The following PCED1B variants were observed in gnomAD, a reference collection of about 807,000 sequenced individuals.
The protein encoded by PCED1B is PC-esterase domain containing 1B.
For synonymous variants in PCED1B, 251 were observed against 246.1 expected (o/e 1.02, Z -0.19); for missense variants, 573 against 573.9 (o/e 1.00, Z 0.02).
At chr12:47,111,179 A>G (rs1939178970) in intron 2 of PCED1B, among the ~76,000 whole-genome samples, 2 of 152,170 alleles carry the variant, frequency 1.3e-5, no homozygotes, top group South Asian at 4.1e-4. Context: ...AAGGACATAA[A>G]GATCACAAAG....
At chr12:47,154,683 A>C (rs76103302) in intron 2 of PCED1B, among the ~76,000 whole-genome samples, 1 of 151,982 alleles carries the variant, frequency 6.6e-6, no homozygotes, top group Non-Finnish European at 1.5e-5. Context: ...TGGAGTCCCA[A>C]CTACTCATAA....
intron 2 of PCED1B, among the ~76,000 whole-genome samples, chr12:47,186,234 A>G (rs1942261842): frequency 6.6e-6 from 1 of 151,966 alleles, no homozygotes; most frequent in Non-Finnish European, 1.5e-5. Context: ...AAGAAAAAAA[A>G]AAAGAACTTG....
intron 1 of PCED1B, among the ~76,000 whole-genome samples, chr12:47,084,643 C>T (rs116285862): frequency 5.9e-5 from 9 of 152,286 alleles, no homozygotes; most frequent in African/African-American, 1.9e-4. Flanking sequence ...AAGGGTTGCA[C>T]AGAATCTGTT....
intron 3 of PCED1B, among the ~76,000 whole-genome samples, chr12:47,222,914 G>A (rs1478859608): frequency 6.6e-6 from 1 of 152,186 alleles, no homozygotes; most frequent in Non-Finnish European, 1.5e-5. Context: ...ACTCTTAAGG[G>A]TTTGGGGTGC....
intron 2 of PCED1B, among the ~76,000 whole-genome samples, chr12:47,171,789 T>TTTCTTC (rs143235503): frequency 1.3e-5 from 2 of 151,440 alleles, no homozygotes; most frequent in South Asian, 2.1e-4. Context: ...CAGTCTAACG[T>TTTCTTC]TTCTTCTTCT....
At chr12:47,090,709 GTGTCTGGTTTCTAC>G (rs972010550) in intron 1 of PCED1B, among the ~76,000 whole-genome samples, 2 of 151,950 alleles carry the variant, frequency 1.3e-5, no homozygotes, top group Non-Finnish European at 2.9e-5. Flanking sequence ...ATGCTTTTTT[GTGTCTGGTTTCTAC>G]TGCTCATCTT....
At chr12:47,221,962 G>T (rs958490508) in intron 3 of PCED1B, among the ~76,000 whole-genome samples, 3 of 151,928 alleles carry the variant, frequency 2.0e-5, no homozygotes, top group Non-Finnish European at 4.4e-5. Flanking sequence ...AAATTAGCTG[G>T]GCATGGGATG....
intron 3 of PCED1B, among the ~76,000 whole-genome samples, chr12:47,224,964 C>G (rs542481460): frequency 6.6e-6 from 1 of 152,162 alleles, no homozygotes; most frequent in Non-Finnish European, 1.5e-5. Context: ...CAGAGTCTCA[C>G]GCTGTCGCCC....
intron 2 of PCED1B, among the ~76,000 whole-genome samples, chr12:47,160,820 G>T (rs562623130): frequency 6.6e-6 from 1 of 152,286 alleles, no homozygotes; most frequent in East Asian, 1.9e-4. Flanking sequence ...CTAAGAGGTG[G>T]AGCCTAATGG....
chr12:47,185,218 T>G (rs922857575), intron 2 of PCED1B, among the ~76,000 whole-genome samples: 8 of 152,096 alleles, frequency 5.3e-5, no homozygotes, highest in East Asian at 1.9e-4. Context: ...GGAATGCAAA[T>G]GTAATTAGTT....
At chr12:47,161,036 G>T (rs1016485650) in intron 2 of PCED1B, among the ~76,000 whole-genome samples, 15 of 152,110 alleles carry the variant, frequency 9.9e-5, no homozygotes, top group Non-Finnish European at 2.1e-4. Flanking sequence ...CTTCCACCAG[G>T]TTGCATTGCA....
Position 47,145,538 on chromosome 12 carries a change from G to A in PCED1B, c.-526+41343G>A, listed in dbSNP as rs577441941. ...ACTTCAAAGCTTCAAAGGACAGGCTGTCTTTTTAGGTACCGATGCAACTGG... is the reference window on the plus strand; with the variant it reads ...ACTTCAAAGCTTCAAAGGACAGGCTATCTTTTTAGGTACCGATGCAACTGG... On this transcript the variant is annotated intron_variant, in intron 2 of 3. Transcript: ENST00000546455. Among the ~76,000 whole-genome samples the A allele has an allele frequency of 5.3e-5, 8 of 152,298 alleles. No homozygotes were observed. In the East Asian group the frequency reaches 1.4e-3, roughly 26 times the overall value.
chr12:47,236,399 A>G lies in PCED1B; in HGVS notation c.*37A>G, dbSNP rs763429044. On this transcript the variant is annotated 3_prime_UTR_variant, in exon 4 of 4. Coordinates refer to ENST00000546455, the MANE Select transcript of PCED1B (RefSeq NM_138371.3). Reference sequence around the variant, plus strand: ...CCTTATTTCCTCTTTATGAACATGGATTGGACAGATCTGACACTTCCTTTC... The same window carrying G: ...CCTTATTTCCTCTTTATGAACATGGGTTGGACAGATCTGACACTTCCTTTC... The G allele has an allele frequency of 4.7e-6, 7 of 1,486,856 alleles. No homozygotes were observed. The highest frequency in any genetic ancestry group is 6.3e-6 in the Non-Finnish European group (7 of 1,116,422). 92.1% of individuals were successfully genotyped at this position (1,486,856 alleles called of 1,614,324 possible).
intron 2 of PCED1B, among the ~76,000 whole-genome samples, chr12:47,146,127 A>G (rs946140487): frequency 6.6e-6 from 1 of 152,214 alleles, no homozygotes; most frequent in Non-Finnish European, 1.5e-5. Context: ...AGGATTCAGG[A>G]CTTCAGTGGA....
intron 2 of PCED1B, among the ~76,000 whole-genome samples, chr12:47,136,835 C>G (rs1940392889): frequency 6.6e-6 from 1 of 152,072 alleles, no homozygotes; most frequent in South Asian, 2.1e-4. Flanking sequence ...GAAGACAAGT[C>G]ATAGTTCAAG....
chr12:47,087,246 T>G (rs1046357566), intron 1 of PCED1B, among the ~76,000 whole-genome samples: 1 of 152,244 alleles, frequency 6.6e-6, no homozygotes, highest in Non-Finnish European at 1.5e-5. Context: ...ACTTATTATA[T>G]TCTCACCATA....
intron 2 of PCED1B, among the ~76,000 whole-genome samples, chr12:47,122,119 C>T (rs1939706238): frequency 6.7e-6 from 1 of 149,998 alleles, no homozygotes; most frequent in Non-Finnish European, 1.5e-5. Flanking sequence ...TTATAAAAAA[C>T]ATTAATTGAA....
chr12:47,176,679 G>A (rs1941935545), intron 2 of PCED1B, among the ~76,000 whole-genome samples: 2 of 152,178 alleles, frequency 1.3e-5, no homozygotes, highest in South Asian at 2.1e-4. Context: ...TGAGAAGGGA[G>A]TCATAGGAGC....
intron 2 of PCED1B, among the ~76,000 whole-genome samples, chr12:47,147,376 A>T (rs566197184): frequency 1.1e-4 from 16 of 152,200 alleles, no homozygotes; most frequent in Admixed American, 8.5e-4. Flanking sequence ...ATTCGGCCCT[A>T]TTCTTTGCAG....
Sources: gnomAD v4.1 joint callset for allele counts (sites outside exome capture counted in the v4.1 genomes callset) on GRCh38, gnomAD v4.1.1 for gene constraint, MANE v1.5 for transcripts, NCBI Gene and HGNC (gene_info 2026-07-23, HGNC 2026-07-21) for gene names.